The following NKAIN3 variants were observed in gnomAD, a reference collection of about 807,000 sequenced individuals.
NKAIN3 encodes the protein sodium/potassium transporting ATPase interacting 3.
NKAIN3 carries 25 observed loss-of-function variants against 30.2 expected under a neutral mutation model. The ratio of observed to expected loss-of-function variants is 0.83; its 90% CI spans 0.60 to 1.16. NKAIN3 has a LOEUF of 1.16. NKAIN3 is among the 50% of genes most tolerant of loss of function. The pLI, the probability that NKAIN3 is intolerant of heterozygous loss-of-function variation, is 0.00. For synonymous variants in NKAIN3, 91 were observed against 89.6 expected (o/e 1.02, Z -0.09); for missense variants, 225 against 254.1 (o/e 0.89, Z 0.78).
At chr8:62,678,772 T>C (rs1340615511) in intron 3 of NKAIN3, among the ~76,000 whole-genome samples, 1 of 151,896 alleles carries the variant, frequency 6.6e-6, no homozygotes, top group Non-Finnish European at 1.5e-5. Flanking sequence ...AGTTAATCCA[T>C]GCTATATAAA....
intron 1 of NKAIN3, among the ~76,000 whole-genome samples, chr8:62,278,949 A>G (rs997890201): frequency 2.0e-5 from 3 of 152,184 alleles, no homozygotes; most frequent in African/African-American, 7.2e-5. Flanking sequence ...TTAAGGAATC[A>G]CCACACTGTC....
chr8:62,955,284 C>T (rs1823391303), intron 6 of NKAIN3, among the ~76,000 whole-genome samples: 1 of 152,118 alleles, frequency 6.6e-6, no homozygotes, highest in South Asian at 2.1e-4. Flanking sequence ...AACATTCACC[C>T]TATATAACAC....
intron 1 of NKAIN3, among the ~76,000 whole-genome samples, chr8:62,388,323 G>T (rs1817488277): frequency 6.6e-6 from 1 of 152,298 alleles, no homozygotes; most frequent in East Asian, 1.9e-4. Flanking sequence ...CTGTTAGATT[G>T]CCTTGTCTTT....
chr8:62,879,061 G>C (rs1586303008), intron 4 of NKAIN3, among the ~76,000 whole-genome samples: 1 of 152,110 alleles, frequency 6.6e-6, no homozygotes, highest in Non-Finnish European at 1.5e-5. Context: ...GGTATTTCTA[G>C]TTCTAGATCC....
At chr8:62,998,887 G>A (rs1369689907) in intron 5 of NKAIN3, among the ~76,000 whole-genome samples, 1 of 152,148 alleles carries the variant, frequency 6.6e-6, no homozygotes, top group African/African-American at 2.4e-5. Flanking sequence ...GATATCAGAA[G>A]AGAATAAAAA....
chr8:62,880,205 A>G (rs1724349296), intron 4 of NKAIN3, among the ~76,000 whole-genome samples: 1 of 152,116 alleles, frequency 6.6e-6, no homozygotes, highest in African/African-American at 2.4e-5. Flanking sequence ...AGAGGGAAAA[A>G]CTTGGCCAAG....
At chr8:62,894,610 G>A (rs1436444439) in intron 4 of NKAIN3, among the ~76,000 whole-genome samples, 2 of 152,130 alleles carry the variant, frequency 1.3e-5, no homozygotes, top group Non-Finnish European at 2.9e-5. Context: ...AGAGGCAGCA[G>A]CTGCTATCAG....
intron 1 of NKAIN3, among the ~76,000 whole-genome samples, chr8:62,291,051 G>A (rs1813605358): frequency 6.6e-6 from 1 of 152,058 alleles, no homozygotes; most frequent in South Asian, 2.1e-4. Flanking sequence ...ATTCTGTGAT[G>A]GTAGTTTGTA....
intron 4 of NKAIN3, among the ~76,000 whole-genome samples, chr8:62,897,784 G>A (rs553215192): frequency 1.3e-5 from 2 of 152,226 alleles, no homozygotes; most frequent in Non-Finnish European, 2.9e-5. Flanking sequence ...GTTTCTGAGA[G>A]AACAGGTTGT....
At chr8:62,464,786 T>G (rs2129599708) in intron 1 of NKAIN3, among the ~76,000 whole-genome samples, 1 of 152,324 alleles carries the variant, frequency 6.6e-6, no homozygotes, top group African/African-American at 2.4e-5. Flanking sequence ...TTGATACTAT[T>G]GACATTTCAC....
intron 1 of NKAIN3, among the ~76,000 whole-genome samples, chr8:62,501,601 G>T (rs896488): frequency 0.74 from 112,867 of 151,994 alleles, 42,066 homozygotes; most frequent in South Asian, 0.81. Flanking sequence ...CTGTGTCTAG[G>T]CATTACGAGA....
chr8:62,359,729 A>T (rs115180482), intron 1 of NKAIN3, among the ~76,000 whole-genome samples: 113 of 152,328 alleles, frequency 7.4e-4, no homozygotes, highest in African/African-American at 2.6e-3. Flanking sequence ...AAACCTCCTG[A>T]TGTGGACAAC....
At chr8:62,782,830 A>G (rs1817393871) in intron 4 of NKAIN3, among the ~76,000 whole-genome samples, 1 of 150,994 alleles carries the variant, frequency 6.6e-6, no homozygotes, top group Admixed American at 6.6e-5. Flanking sequence ...AAGTTGGCTA[A>G]TGGGTACAAA....
intron 4 of NKAIN3, among the ~76,000 whole-genome samples, chr8:62,791,459 A>G (rs1817698917): frequency 6.6e-6 from 1 of 152,160 alleles, no homozygotes; most frequent in Non-Finnish European, 1.5e-5. Context: ...AGTTTTTCAA[A>G]GGTCCAAATA....
In NKAIN3 at chr8:62,375,158, C is replaced by A. The variant is rs533070766; in HGVS notation, c.54+126031C>A. On this transcript the variant is annotated intron_variant, in intron 1 of 6. Transcript: ENST00000623646. ...TTAACCAGACCAGCTTTTTCACTCT[C>A]CAGCCTCTGGATCATAAGCATGCCA... Among the ~76,000 whole-genome samples the A allele has an allele frequency of 3.3e-5, 5 of 152,314 alleles. 1 individual carries two copies. The South Asian group carries it at 1.0e-3, about 32-fold the overall frequency.
At position 62,838,129 on chromosome 8, in the gene NKAIN3, CTG is replaced by C. The variant is rs4031520; in HGVS notation, c.472-80302_472-80301del. ...GTATCTCACTCTGAACAATACCGCT[CTG>C]TGTGTGTGTGTGTGTGTGTGTATAT... On this transcript the variant is annotated intron_variant, in intron 4 of 6. Coordinates refer to ENST00000623646, the MANE Select transcript of NKAIN3 (RefSeq NM_001304533.3). Among the ~76,000 whole-genome samples the C allele has an allele frequency of 2.1e-3, 308 of 147,690 alleles. 1 individual carries two copies. The highest frequency in any genetic ancestry group is 4.2e-3 in the Admixed American group (62 of 14,730).
intron 1 of NKAIN3, among the ~76,000 whole-genome samples, chr8:62,528,266 G>A (rs1808369862): frequency 7.1e-6 from 1 of 141,300 alleles, no homozygotes; most frequent in Non-Finnish European, 1.5e-5. Context: ...AGAGTTGAAA[G>A]CCTACCTATT....
chr8:62,543,583 T>G (rs1181324654), intron 1 of NKAIN3, among the ~76,000 whole-genome samples: 1 of 152,202 alleles, frequency 6.6e-6, no homozygotes, highest in Non-Finnish European at 1.5e-5. Flanking sequence ...CTGAATTGTC[T>G]GTCACATTGG....
At chr8:62,807,847 A>T (rs1416030667) in intron 4 of NKAIN3, among the ~76,000 whole-genome samples, 1 of 150,698 alleles carries the variant, frequency 6.6e-6, no homozygotes, top group Non-Finnish European at 1.5e-5. Flanking sequence ...ATACAATTTT[A>T]TCAATTTTAT....
Sources: gnomAD v4.1 joint callset for allele counts (sites outside exome capture counted in the v4.1 genomes callset) on GRCh38, gnomAD v4.1.1 for gene constraint, MANE v1.5 for transcripts, NCBI Gene and HGNC (gene_info 2026-07-23, HGNC 2026-07-21) for gene names.